DNAH6: variants seen among roughly 807,000 people sequenced by gnomAD.
DNAH6 encodes the protein dynein axonemal heavy chain 6.
A neutral mutation model predicts 491.4 loss-of-function variants in DNAH6; 340 were observed. The observed-to-expected ratio is 0.69, with a 90% confidence interval of 0.63 to 0.76. The LOEUF (loss-of-function observed/expected upper bound fraction) is 0.76, where lower values mean the gene tolerates loss of function less well. Among genes scored for constraint, DNAH6 ranks in the 30% least tolerant of loss-of-function variants. The pLI, the probability that DNAH6 is intolerant of heterozygous loss-of-function variation, is 0.00. For synonymous variants in DNAH6, 1,603 were observed against 1,686.1 expected, an observed-to-expected ratio of 0.95 and a Z score of 1.21; for missense variants, 4,443 against 4,972.2, an observed-to-expected ratio of 0.89 and a Z score of 3.20.
At chr2:84,699,792 G>T (rs1462595440) in intron 48 of DNAH6, 58 bp downstream of exon 48, 90 of 1,513,114 alleles carry the variant, frequency 5.9e-5, no homozygotes, top group Non-Finnish European at 7.8e-5. Flanking sequence ...CTTTAAAGGG[G>T]TAACACATTG....
chr2:84,528,058 A>G (rs946831757), intron 3 of DNAH6, among the ~76,000 whole-genome samples: 3 of 152,056 alleles, frequency 2.0e-5, no homozygotes, highest in Non-Finnish European at 4.4e-5. Flanking sequence ...CCATGGGAGG[A>G]ACAGATATGG....
intron 68 of DNAH6, among the ~76,000 whole-genome samples, chr2:84,795,979 A>C (rs540148020): frequency 1.3e-5 from 2 of 152,342 alleles, no homozygotes; most frequent in Non-Finnish European, 1.5e-5. Flanking sequence ...AGAATACTGC[A>C]ATCAATGATA....
chr2:84,571,652 G>A (rs980102706), intron 11 of DNAH6, among the ~76,000 whole-genome samples: 1 of 151,864 alleles, frequency 6.6e-6, no homozygotes, highest in Middle Eastern at 3.2e-3. Context: ...AGTGGCTCAC[G>A]CCTGTAATTC....
At chr2:84,562,800 A>G (rs952352947) in intron 11 of DNAH6, among the ~76,000 whole-genome samples, 1 of 152,196 alleles carries the variant, frequency 6.6e-6, no homozygotes, top group Non-Finnish European at 1.5e-5. Flanking sequence ...GAAGCTCATT[A>G]GGGTCTCAAT....
intron 65 of DNAH6, among the ~76,000 whole-genome samples, chr2:84,783,831 A>T (rs1226665938): frequency 6.6e-6 from 1 of 152,204 alleles, no homozygotes. Flanking sequence ...CTTTGGAAAA[A>T]ATAAAAAGGA....
rs1310447814 is a variant in DNAH6 at position 84,710,293 on chromosome 2, C to A, written c.9259C>A (p.Arg3087Ser). 5 of 1,551,236 alleles carry A rather than the reference C, an allele frequency of 3.2e-6. No homozygotes were observed. The highest frequency in any genetic ancestry group is 4.4e-6 in the Non-Finnish European group (5 of 1,146,858). The change falls in exon 56 of 77, where the codon CGT becomes AGT. Residue 3087 changes from arginine (R) to serine (S), a missense_variant. Arg to Ser is a moderately radical substitution (Grantham distance 110, BLOSUM62 -1). Transcript: ENST00000389394. ...TCTGTGCTTTTCCAAACAGGCAAAC[C>A]GTTGGATAAGGAACAAGGAAAGCAA... Reference protein sequence around the residue: ...LMIDPQDQANRWIRNKESKSG... With the variant: ...LMIDPQDQANSWIRNKESKSG...
the DNAH6 span, chr2:84,459,604 G>A: frequency 7.4e-4 from 205 of 276,004 alleles, 1 homozygote; most frequent in African/African-American, 4.1e-3. Context: ...GGAAGGGAGC[G>A]AGGGAAGAGC....
Position 84,557,825 on chromosome 2 carries a change from A to G in DNAH6, c.1693A>G (p.Ser565Gly), listed in dbSNP as rs1215442541. Reference protein sequence around the residue: ...VPDSYFDAFTSPYINNKLEGK... With the variant: ...VPDSYFDAFTGPYINNKLEGK... ...TGATTCGTATTTTGATGCTTTCACC[A>G]GCCCTTATATTAACAACAAACTTGA... The change falls in exon 11 of 77, where the codon AGC becomes GGC. Residue 565 changes from serine to glycine, a missense_variant. Around this residue, in one of 3 missense-constraint regions of DNAH6, gnomAD observed 2,977 missense variants for 3,296.6 expected, o/e 0.90. Coordinates refer to ENST00000389394, the MANE Select transcript of DNAH6 (RefSeq NM_001370.2). The G allele has an allele frequency of 6.2e-7, 1 of 1,613,382 alleles. No homozygotes were observed. Among genetic ancestry groups the G allele is most frequent in the Non-Finnish European group, 8.5e-7 (1 of 1,179,554 alleles).
At chr2:84,764,484 T>C (rs1374879786) in intron 64 of DNAH6, among the ~76,000 whole-genome samples, 1 of 152,164 alleles carries the variant, frequency 6.6e-6, no homozygotes, top group African/African-American at 2.4e-5. Context: ...TATGGAGCTA[T>C]GGAAACAATT....
intron 18 of DNAH6, among the ~76,000 whole-genome samples, chr2:84,598,099 G>A (rs1312659829): frequency 2.1e-5 from 3 of 140,070 alleles, no homozygotes; most frequent in East Asian, 1.9e-4. Flanking sequence ...GTGGTTACTC[G>A]TGGAACTCGT....
chr2:84,735,332 T>C (rs751224247), intron 62 of DNAH6, among the ~76,000 whole-genome samples: 1 of 152,266 alleles, frequency 6.6e-6, no homozygotes, highest in Non-Finnish European at 1.5e-5. Context: ...ATGTATTTGC[T>C]GTTGTGAATA....
At chr2:84,727,391 T>G (rs1170613909) in intron 60 of DNAH6, among the ~76,000 whole-genome samples, 1 of 152,168 alleles carries the variant, frequency 6.6e-6, no homozygotes, top group Non-Finnish European at 1.5e-5. Context: ...TGACTTTGTT[T>G]AGCAAAATGA....
chr2:84,596,072 A>C (rs1225173940), intron 18 of DNAH6, among the ~76,000 whole-genome samples: 1 of 152,124 alleles, frequency 6.6e-6, no homozygotes, highest in Non-Finnish European at 1.5e-5. Context: ...TAAGATACTG[A>C]TGTGCTCAAA....
At chr2:84,734,354 A>G (rs372211493) in intron 62 of DNAH6, among the ~76,000 whole-genome samples, 2 of 151,814 alleles carry the variant, frequency 1.3e-5, no homozygotes, top group African/African-American at 4.8e-5. Context: ...GTTAGCCAGG[A>G]TGGTCTCGAT....
intron 11 of DNAH6, among the ~76,000 whole-genome samples, chr2:84,571,635 C>A (rs143462651): frequency 0.015 from 2,226 of 152,040 alleles, 37 homozygotes; most frequent in Middle Eastern, 0.092. Flanking sequence ...GAAAACCATC[C>A]AGGCGCAGTG....
chr2:84,468,029 T>C, the DNAH6 span, among the ~76,000 whole-genome samples: 14 of 152,224 alleles, frequency 9.2e-5, no homozygotes, highest in African/African-American at 3.1e-4. Flanking sequence ...TATATGACCT[T>C]AAAGCATTTA....
At chr2:84,615,142 T>A (rs576530224) in intron 22 of DNAH6, among the ~76,000 whole-genome samples, 2 of 152,124 alleles carry the variant, frequency 1.3e-5, no homozygotes, top group African/African-American at 4.8e-5. Flanking sequence ...GTTTTTCCAA[T>A]ATTATCTTCC....
At chr2:84,513,631 G>A (rs1270247747), upstream of DNAH6, among the ~76,000 whole-genome samples, 1 of 151,654 alleles carries the variant, frequency 6.6e-6, no homozygotes, top group Non-Finnish European at 1.5e-5. Context: ...GCTAACTCTT[G>A]TTTGGAGTGG....
intron 11 of DNAH6, among the ~76,000 whole-genome samples, chr2:84,561,512 T>C (rs1680671594): frequency 6.6e-6 from 1 of 152,078 alleles, no homozygotes; most frequent in Non-Finnish European, 1.5e-5. Context: ...CCAAAAGCAA[T>C]GGCAACAAAA....
Sources: gnomAD v4.1 joint callset for allele counts (sites outside exome capture counted in the v4.1 genomes callset) on GRCh38, gnomAD v4.1.1 for gene constraint, gnomAD v4.1.1 regional missense constraint, MANE v1.5 for transcripts, NCBI Gene and HGNC (gene_info 2026-07-23, HGNC 2026-07-21) for gene names.